CROT: variants seen among roughly 807,000 people sequenced by gnomAD.
CROT encodes the protein peroxisomal carnitine O-octanoyltransferase.
CROT carries 84 observed loss-of-function variants against 89.2 expected under a neutral mutation model. The observed-to-expected ratio is 0.94, with a 90% CI of 0.79 to 1.13. The LOEUF is 1.13. Ranked by LOEUF, CROT falls within the 50% of genes most tolerant of loss-of-function variation. The pLI, the probability that CROT is intolerant of heterozygous loss-of-function variation, is 0.00. For synonymous variants in CROT, 212 were observed against 239.5 expected (o/e 0.89, Z 1.06); for missense variants, 711 against 727.8 (o/e 0.98, Z 0.27).
chr7:87,376,297 AT>A, intron 9 of CROT, among the ~76,000 whole-genome samples: 1 of 152,140 alleles, frequency 6.6e-6, no homozygotes, highest in Admixed American at 6.6e-5. Flanking sequence ...AGGTGAAATG[AT>A]AACCTAATCA....
rs1248196830 is a variant in CROT at position 87,391,442 on chromosome 7, T to G, written c.1302-147T>G. On this transcript the variant is annotated intron_variant, in intron 13 of 17. Transcript: ENST00000331536. ...ATTTTTTGCTCTTTGGTATTGGAAA[T>G]AGGCTCTTTTTTGTTGAAAGTCTCC... is the stretch of plus-strand genomic sequence containing the variant. 4.3e-6 allele frequency: 3 copies of G among 691,700 alleles called. No individual in the cohort carries two copies. The African/African-American group carries it at 5.6e-5, about 13-fold the overall frequency. 42.8% of individuals were successfully genotyped at this position (691,700 alleles called of 1,614,324 possible).
Position 87,380,589 on chromosome 7 carries a change from G to A in CROT, c.979-1321G>A, listed in dbSNP as rs577396988. Among the ~76,000 whole-genome samples the A allele has an allele frequency of 2.0e-4, 30 of 152,304 alleles. 1 individual carries two copies. The highest frequency in any genetic ancestry group is 6.8e-3 in the Middle Eastern group (2 of 294). ...CACTATGTAAATACATATTGCCTCT[G>A]TGTAAGTGCAAGAAATGAAAGGTAA... is the stretch of plus-strand genomic sequence containing the variant. On this transcript the variant is annotated intron_variant, in intron 10 of 17. Coordinates refer to ENST00000331536, the MANE Select transcript of CROT (RefSeq NM_021151.4).
In CROT at chr7:87,381,977, A is replaced by T. The variant is rs79472739; in HGVS notation, c.1046A>T (p.Asn349Ile). The change falls in exon 11 of 18, where the codon AAT (asparagine) becomes ATT (isoleucine). Residue 349 changes from asparagine (N) to isoleucine (I), a missense_variant. Coordinates refer to ENST00000331536, the MANE Select transcript of CROT (RefSeq NM_021151.4). Reference protein sequence around the residue: ...SYYVDEKIFQNEGRWKGSEKV... With the variant: ...SYYVDEKIFQIEGRWKGSEKV... ...TATGTGGATGAGAAAATTTTTCAGA[A>T]TGAAGGAAGATGGAAGGTATGTTTG... 1.2e-6 allele frequency: 2 copies of T among 1,604,866 alleles called. No homozygotes were observed. The highest frequency in any genetic ancestry group is 1.3e-5 in the African/African-American group (1 of 74,744).
chr7:87,399,667 T>C lies in CROT; in HGVS notation c.*1023T>C, dbSNP rs1807694118. ...GTTACAGTGACTTTTAAAGGATTAA[T>C]GTTGAATCACATTGTCAGAATTTTT... On this transcript the variant is annotated 3_prime_UTR_variant, in exon 18 of 18. Transcript: ENST00000331536. The C allele has an allele frequency of 6.6e-6, 1 of 152,216 alleles. No individual in the cohort carries two copies. Among genetic ancestry groups the C allele is most frequent in the Non-Finnish European group, 1.5e-5 (1 of 68,034 alleles). 9.4% of individuals were successfully genotyped at this position (152,216 alleles called of 1,614,324 possible). A position where few individuals can be genotyped will look rare whatever the true frequency, so the allele number is the denominator to read the frequency against.
intron 5 of CROT, 67 bp from the exon 6 acceptor site, chr7:87,361,661 A>G: frequency 2.0e-6 from 3 of 1,534,120 alleles, no homozygotes; most frequent in Non-Finnish European, 2.6e-6. Context: ...TTGGGGATGA[A>G]CACTTCAGTT....
chr7:87,397,677 T>C (rs755430537), intron 17 of CROT, among the ~76,000 whole-genome samples: 5 of 152,218 alleles, frequency 3.3e-5, no homozygotes, highest in Admixed American at 6.5e-5. Context: ...AAGGTTTCTG[T>C]ATTACTTTTC....
chr7:87,373,357 A>T (rs1192448430), intron 7 of CROT, among the ~76,000 whole-genome samples: 1 of 152,118 alleles, frequency 6.6e-6, no homozygotes, highest in Non-Finnish European at 1.5e-5. Flanking sequence ...TTTGCAAATT[A>T]TATCTCCTAG....
chr7:87,389,438 C>G (rs879894621), intron 13 of CROT, among the ~76,000 whole-genome samples: 36 of 152,102 alleles, frequency 2.4e-4, no homozygotes, highest in Non-Finnish European at 3.1e-4. Flanking sequence ...GAATACTATG[C>G]AGCCATAAAA....
rs544247154 is a variant in CROT, at chr7:87,379,490, A to T, written c.978+2040A>T. On this transcript the variant is annotated intron_variant, in intron 10 of 17. Transcript: ENST00000331536. ...CGTCCCTCATCCCCAAGACCATCAA[A>T]AAACACCTTTTGCTAAACTGATTTT... is the stretch of plus-strand genomic sequence containing the variant. Among the ~76,000 whole-genome samples, 3 of 152,338 alleles carry T rather than the reference A, an allele frequency of 2.0e-5. No homozygotes were observed. In the East Asian group the frequency reaches 5.8e-4, roughly 29 times the overall value.
chr7:87,373,584 T>C (rs893050580), intron 7 of CROT, among the ~76,000 whole-genome samples: 1 of 152,152 alleles, frequency 6.6e-6, no homozygotes, highest in Non-Finnish European at 1.5e-5. Context: ...TGTTTAAATA[T>C]ACATTTAGTT....
At chr7:87,380,733 A>G (rs1806968831) in intron 10 of CROT, among the ~76,000 whole-genome samples, 1 of 152,194 alleles carries the variant, frequency 6.6e-6, no homozygotes, top group East Asian at 1.9e-4. Flanking sequence ...GCTCAAAGAG[A>G]CATCCTTCAC....
In CROT at chr7:87,398,732, T is replaced by C. The variant is rs1807639087; in HGVS notation, c.*88T>C. Reference sequence around the variant, plus strand: ...TGGTAATATGAGATGGGAAGGAATGTTGACTTGCTAACATTCCTTTAACAA... The same window carrying C: ...TGGTAATATGAGATGGGAAGGAATGCTGACTTGCTAACATTCCTTTAACAA... On this transcript the variant is annotated 3_prime_UTR_variant, in exon 18 of 18. Coordinates refer to ENST00000331536, the MANE Select transcript of CROT (RefSeq NM_021151.4). The C allele has an allele frequency of 2.4e-6, 3 of 1,270,698 alleles. No homozygotes were observed. The South Asian group carries it at 4.2e-5, about 18-fold the overall frequency. 78.7% of individuals were successfully genotyped at this position (1,270,698 alleles called of 1,614,324 possible).
At chr7:87,382,625 T>C in intron 13 of CROT, 82 bp downstream of exon 13, 1 of 1,416,442 alleles carries the variant, frequency 7.1e-7, no homozygotes, top group South Asian at 1.4e-5. Context: ...TCCTAACTCC[T>C]CAGTATTTTT....
intron 2 of CROT, among the ~76,000 whole-genome samples, chr7:87,347,099 A>C (rs1805707212): frequency 6.6e-6 from 1 of 152,256 alleles, no homozygotes; most frequent in Non-Finnish European, 1.5e-5. Flanking sequence ...GCATTAAAGC[A>C]GTCTTACTTG....
intron 17 of CROT, among the ~76,000 whole-genome samples, chr7:87,396,400 C>G (rs1427548498): frequency 6.6e-6 from 1 of 152,184 alleles, no homozygotes; most frequent in African/African-American, 2.4e-5. Context: ...AGTGCCAGAA[C>G]TGATGTTAGA....
intron 9 of CROT, among the ~76,000 whole-genome samples, chr7:87,376,383 T>C (rs1266669361): frequency 6.6e-6 from 1 of 152,072 alleles, no homozygotes; most frequent in Non-Finnish European, 1.5e-5. Flanking sequence ...TTGTAAGTCA[T>C]TTATTTTATC....
chr7:87,378,357 A>AAT (rs1806877580), intron 10 of CROT, among the ~76,000 whole-genome samples: 1 of 151,648 alleles, frequency 6.6e-6, no homozygotes, highest in South Asian at 2.1e-4. Context: ...AAAAAAAAAA[A>AAT]AAAAAGGGTT....
intron 17 of CROT, among the ~76,000 whole-genome samples, chr7:87,395,319 G>C (rs1373650455): frequency 2.0e-5 from 3 of 152,166 alleles, no homozygotes; most frequent in African/African-American, 7.2e-5. Flanking sequence ...TGATTAGATG[G>C]TGCCCTCCCA....
chr7:87,388,410 A>G (rs1807249861), intron 13 of CROT, among the ~76,000 whole-genome samples: 1 of 152,248 alleles, frequency 6.6e-6, no homozygotes. Flanking sequence ...ACAGCATGTT[A>G]CTGGTACCAA....
Sources: allele counts gnomAD v4.1 joint callset (sites outside exome capture counted in the v4.1 genomes callset), GRCh38; gene constraint gnomAD v4.1.1; transcripts MANE v1.5; gene names NCBI Gene and HGNC (gene_info 2026-07-23, HGNC 2026-07-21).